TRHDE: variants seen among roughly 807,000 people sequenced by gnomAD.
TRHDE encodes the protein thyrotropin releasing hormone degrading enzyme.
TRHDE carries 72 observed loss-of-function variants against 125.7 expected under a neutral mutation model. The ratio of observed to expected loss-of-function variants is 0.57; its 90% CI spans 0.47 to 0.70. The LOEUF (loss-of-function observed/expected upper bound fraction) is 0.70, where lower values mean the gene tolerates loss of function less well. Among genes scored for constraint, TRHDE ranks in the 30% least tolerant of loss-of-function variants. The probability of loss-of-function intolerance (pLI) is 0.00; values close to 1 mark genes in which losing one functional copy is unlikely to be tolerated. For missense variants in TRHDE, 1,110 were observed against 1,327.1 expected, an observed-to-expected ratio of 0.84 and a Z score of 2.54; for synonymous variants, 509 against 509.1, an observed-to-expected ratio of 1.00 and a Z score of 0.00.
At chr12:72,209,338 C>T (rs1222038673) in intron 2 of TRHDE, among the ~76,000 whole-genome samples, 2 of 152,170 alleles carry the variant, frequency 1.3e-5, no homozygotes, top group Non-Finnish European at 2.9e-5. Context: ...TCCCCAGAGT[C>T]CTGAATCAAT....
intron 6 of TRHDE, among the ~76,000 whole-genome samples, chr12:72,536,493 C>T (rs10879441): frequency 0.068 from 10,290 of 152,092 alleles, 419 homozygotes; most frequent in Middle Eastern, 0.11. Context: ...AGTGACAAGT[C>T]GTCTAGTTAG....
intron 3 of TRHDE, among the ~76,000 whole-genome samples, chr12:72,451,234 C>A (rs1875554498): frequency 6.6e-6 from 1 of 152,056 alleles, no homozygotes; most frequent in Non-Finnish European, 1.5e-5. Context: ...CCTCTGTTTT[C>A]TTCTAGTGGT....
intron 8 of TRHDE, 134 bp from the exon 9 acceptor site, chr12:72,562,719 T>C (rs1174166861): frequency 1.1e-5 from 6 of 547,592 alleles, no homozygotes; most frequent in South Asian, 3.7e-5. Flanking sequence ...CACTAACACA[T>C]TATATTGGCT....
At chr12:72,250,523 G>C (rs1878658022) in intron 2 of TRHDE, among the ~76,000 whole-genome samples, 1 of 152,122 alleles carries the variant, frequency 6.6e-6, no homozygotes, top group Admixed American at 6.6e-5. Context: ...AAAGGTCAGA[G>C]AGTAATCAGG....
At chr12:72,494,074 G>A (rs1443283698) in intron 5 of TRHDE, among the ~76,000 whole-genome samples, 1 of 152,022 alleles carries the variant, frequency 6.6e-6, no homozygotes, top group Non-Finnish European at 1.5e-5. Flanking sequence ...TATAGCAGGT[G>A]CTTAAAAAAT....
At chr12:72,532,202 A>G (rs1868591416) in intron 6 of TRHDE, among the ~76,000 whole-genome samples, 1 of 151,878 alleles carries the variant, frequency 6.6e-6, no homozygotes, top group Non-Finnish European at 1.5e-5. Flanking sequence ...TTTTGAGAAT[A>G]AGACTCAATA....
intron 2 of TRHDE, among the ~76,000 whole-genome samples, chr12:72,179,058 T>C (rs1365090258): frequency 2.6e-5 from 4 of 152,000 alleles, no homozygotes; most frequent in African/African-American, 7.2e-5. Context: ...ATGTCACCTA[T>C]TGGAAATATG....
At chr12:72,127,472 T>C (rs116485325) in intron 2 of TRHDE, among the ~76,000 whole-genome samples, 2 of 152,184 alleles carry the variant, frequency 1.3e-5, no homozygotes, top group Non-Finnish European at 2.9e-5. Context: ...TGAAGAAATG[T>C]GGTACATACA....
intron 3 of TRHDE, among the ~76,000 whole-genome samples, chr12:72,426,489 C>T (rs528712621): frequency 1.3e-5 from 2 of 152,172 alleles, no homozygotes; most frequent in Non-Finnish European, 2.9e-5. Flanking sequence ...AAATAATCTA[C>T]ATGTATCTAC....
At chr12:72,357,080 C>T (rs1870858049) in intron 2 of TRHDE, among the ~76,000 whole-genome samples, 1 of 151,320 alleles carries the variant, frequency 6.6e-6, no homozygotes, top group South Asian at 2.1e-4. Context: ...TAAAACTTTC[C>T]AGGTTTAAAT....
chr12:72,215,549 T>C (rs1024317048), intron 2 of TRHDE, among the ~76,000 whole-genome samples: 1 of 152,204 alleles, frequency 6.6e-6, no homozygotes, highest in Non-Finnish European at 1.5e-5. Flanking sequence ...TTTCTGCCAC[T>C]TCATTCAACA....
intron 3 of TRHDE, among the ~76,000 whole-genome samples, chr12:72,415,147 C>G (rs1291780830): frequency 2.0e-5 from 3 of 152,008 alleles, no homozygotes; most frequent in Admixed American, 6.6e-5. Flanking sequence ...TTTGCATTGC[C>G]CAGCTCCTCA....
intron 3 of TRHDE, among the ~76,000 whole-genome samples, chr12:72,423,710 C>T (rs1384510945): frequency 2.8e-4 from 43 of 152,172 alleles, no homozygotes; most frequent in Non-Finnish European, 3.1e-4. Context: ...AATCAGTTTA[C>T]TAAGGTTGCG....
intron 3 of TRHDE, among the ~76,000 whole-genome samples, chr12:72,462,797 A>T (rs1876186828): frequency 6.6e-6 from 1 of 152,070 alleles, no homozygotes; most frequent in Non-Finnish European, 1.5e-5. Flanking sequence ...GTCTCATATT[A>T]TCTATTTGTC....
chr12:72,304,679 T>A (rs530569493), intron 2 of TRHDE, among the ~76,000 whole-genome samples: 2 of 152,270 alleles, frequency 1.3e-5, no homozygotes, highest in African/African-American at 4.8e-5. Flanking sequence ...TGACAGTGAG[T>A]TCCCCATAGC....
rs138429407 is a variant in TRHDE at position 72,649,876 on chromosome 12, A to C, written c.2676-2446A>C. ...TAGCTATTATCAAAAAAAACAAAACACAGCAAATGTTGTCAAGGTTGTGGA... is the reference window on the plus strand; with the variant it reads ...TAGCTATTATCAAAAAAAACAAAACCCAGCAAATGTTGTCAAGGTTGTGGA... On this transcript the variant is annotated intron_variant, in intron 15 of 18. Transcript: ENST00000261180. 2.7e-3 allele frequency among the ~76,000 whole-genome samples: 410 copies of C among 152,166 alleles called. 1 individual carries two copies. The highest frequency in any genetic ancestry group is 3.4e-3 in the Middle Eastern group (1 of 294).
At chr12:72,470,272 C>T (rs767653090) in intron 4 of TRHDE, among the ~76,000 whole-genome samples, 15 of 152,146 alleles carry the variant, frequency 9.9e-5, no homozygotes, top group Non-Finnish European at 1.8e-4. Context: ...TTTATTGCAT[C>T]GCTGCAAGAT....
chr12:72,608,322 A>AT (rs1419169195), intron 12 of TRHDE, among the ~76,000 whole-genome samples: 1 of 151,924 alleles, frequency 6.6e-6, no homozygotes, highest in Non-Finnish European at 1.5e-5. Flanking sequence ...TGTTTGAAGC[A>AT]TTTTTTCTCA....
chr12:72,564,142 A>G (rs1028369941), intron 9 of TRHDE, among the ~76,000 whole-genome samples: 1 of 152,162 alleles, frequency 6.6e-6, no homozygotes, highest in Non-Finnish European at 1.5e-5. Context: ...TATACAGTCT[A>G]TATTTACCTT....
Sources: gnomAD v4.1 joint callset for allele counts (sites outside exome capture counted in the v4.1 genomes callset) on GRCh38, gnomAD v4.1.1 for gene constraint, MANE v1.5 for transcripts, NCBI Gene and HGNC (gene_info 2026-07-23, HGNC 2026-07-21) for gene names.